The following DPP8 variants were observed in gnomAD, a reference collection of about 807,000 sequenced individuals.
DPP8 encodes the protein dipeptidyl peptidase 8.
DPP8 carries 31 observed loss-of-function variants against 107.5 expected under a neutral mutation model. The observed-to-expected ratio is 0.29, with a 90% confidence interval of 0.22 to 0.39. The LOEUF is 0.39. Among genes scored for constraint, DPP8 ranks in the 10% least tolerant of loss-of-function variants. The pLI is 1.00. For missense variants in DPP8, 842 were observed against 1,076.1 expected (o/e 0.78, Z 3.04); for synonymous variants, 381 against 356.6 (o/e 1.07, Z -0.77).
intron 10 of DPP8, among the ~76,000 whole-genome samples, chr15:65,479,801 A>G (rs575720269): frequency 5.7e-5 from 8 of 141,160 alleles, no homozygotes; most frequent in Admixed American, 3.1e-4. Context: ...CCGAGATTGC[A>G]CCACTGCAGT....
chr15:65,447,157 C>T, intron 19 of DPP8, 151 bp from the exon 20 acceptor site: 1 of 506,984 alleles, frequency 2.0e-6, no homozygotes, highest in Non-Finnish European at 3.4e-6. Context: ...CTAAACGCTC[C>T]TCTCTTCATC....
chr15:65,505,663 A>T (rs2069869434), intron 3 of DPP8, among the ~76,000 whole-genome samples: 1 of 152,046 alleles, frequency 6.6e-6, no homozygotes, highest in East Asian at 1.9e-4. Context: ...GAAAATGATT[A>T]GTTGTGGCCA....
intron 10 of DPP8, 91 bp from the exon 11 acceptor site, chr15:65,479,130 C>T (rs2066669777): frequency 7.0e-6 from 6 of 852,788 alleles, no homozygotes; most frequent in South Asian, 5.2e-5. Flanking sequence ...GATAAATATA[C>T]TTTGAAATAT....
chr15:65,500,859 C>T (rs1018942582), intron 3 of DPP8, 80 bp from the exon 4 acceptor site: 11 of 879,336 alleles, frequency 1.3e-5, no homozygotes, highest in African/African-American at 1.7e-5. Context: ...CTAGAATCTC[C>T]AACATTATTG....
chr15:65,456,400 C>A, intron 15 of DPP8, 29 bp from the exon 16 acceptor site: 1 of 1,585,194 alleles, frequency 6.3e-7, no homozygotes, highest in South Asian at 1.2e-5. Context: ...TTCAGTTTAT[C>A]ATATGGAAGC....
In DPP8 at chr15:65,479,033, C is replaced by T. The variant is rs980603938; in HGVS notation, c.1303G>A (p.Asp435Asn). ...CTTTGGGGAAAAACATGAAAGATGT[C>T]ATGGATCTGTAAAATGAATAGCTAA... ...ETTDIWINIH[D>N]IFHVFPQSHE... The change falls in exon 11 of 20, where the codon GAC (aspartate) becomes AAC (asparagine). Residue 435 changes from aspartate to asparagine, a missense_variant. Transcript: ENST00000300141. The T allele has an allele frequency of 1.3e-6, 2 of 1,571,058 alleles. No homozygotes were observed. The highest frequency in any genetic ancestry group is 1.7e-6 in the Non-Finnish European group (2 of 1,162,304).
At chr15:65,494,149 CTT>C (rs542314824) in intron 5 of DPP8, among the ~76,000 whole-genome samples, 4 of 123,288 alleles carry the variant, frequency 3.2e-5, no homozygotes, top group African/African-American at 6.8e-5. Flanking sequence ...GTTCTATATC[CTT>C]TTTTTTTTTT....
chr15:65,448,868 A>ATATATATATGTGTGTGTGTG, intron 19 of DPP8, among the ~76,000 whole-genome samples: 1 of 5,624 alleles, frequency 1.8e-4, no homozygotes, highest in African/African-American at 6.1e-4. Flanking sequence ...TATCTAAAAT[A>ATATATATATGTGTGTGTGTG]TATATATATA....
At chr15:65,515,894 A>G (rs988251136) in intron 1 of DPP8, 2 of 542,774 alleles carry the variant, frequency 3.7e-6, no homozygotes, top group East Asian at 5.9e-5. Flanking sequence ...ACTGATACCA[A>G]AATATCACTT....
intron 15 of DPP8, chr15:65,459,611 G>A (rs954077690): frequency 5.9e-5 from 9 of 152,016 alleles, no homozygotes; most frequent in African/African-American, 2.2e-4. Context: ...ATGACTGTTC[G>A]GTAAGTGCAA....
chr15:65,466,600 T>G, intron 14 of DPP8, 78 bp downstream of exon 14: 2 of 1,315,254 alleles, frequency 1.5e-6, no homozygotes, highest in East Asian at 4.6e-5. Context: ...GTCCAGGAAA[T>G]GTGAAAATAT....
intron 1 of DPP8, among the ~76,000 whole-genome samples, chr15:65,514,414 A>G (rs1162238916): frequency 6.6e-6 from 1 of 152,176 alleles, no homozygotes; most frequent in Non-Finnish European, 1.5e-5. Context: ...TGGTGGTTAT[A>G]TACTATCATA....
chr15:65,469,377 G>A (rs1442622089), intron 12 of DPP8, among the ~76,000 whole-genome samples: 1 of 151,772 alleles, frequency 6.6e-6, no homozygotes, highest in Non-Finnish European at 1.5e-5. Context: ...ATAGGCAGCT[G>A]GGCGCAGTGG....
At chr15:65,503,267 C>T (rs1049193244) in intron 3 of DPP8, among the ~76,000 whole-genome samples, 2 of 151,738 alleles carry the variant, frequency 1.3e-5, no homozygotes, top group Non-Finnish European at 2.9e-5. Flanking sequence ...CAACCATGCT[C>T]GGCTAATTTT....
At chr15:65,475,672 G>A in intron 11 of DPP8, 1 of 646,742 alleles carries the variant, frequency 1.5e-6, no homozygotes, top group Admixed American at 2.5e-5. Context: ...AAAAGAAAAT[G>A]TTTAATACAA....
At chr15:65,454,530 TTTTA>T (rs2064239455) in intron 16 of DPP8, 115 bp from the exon 17 acceptor site, 3 of 938,786 alleles carry the variant, frequency 3.2e-6, no homozygotes, top group Non-Finnish European at 4.5e-6. Context: ...TTAATTTTTA[TTTTA>T]TTTATTTTTT....
At chr15:65,450,906 T>C (rs544039724) in intron 19 of DPP8, 93 bp downstream of exon 19, 4 of 793,498 alleles carry the variant, frequency 5.0e-6, no homozygotes, top group Middle Eastern at 3.5e-4. Flanking sequence ...GTGGACACTC[T>C]AAAAATCTGG....
At chr15:65,452,630 C>G (rs932491741) in intron 17 of DPP8, among the ~76,000 whole-genome samples, 1 of 151,958 alleles carries the variant, frequency 6.6e-6, no homozygotes, top group East Asian at 1.9e-4. Flanking sequence ...TAAAGATTAT[C>G]TAGATATATG....
intron 3 of DPP8, among the ~76,000 whole-genome samples, chr15:65,501,729 T>C (rs936782611): frequency 1.3e-5 from 2 of 152,196 alleles, no homozygotes; most frequent in Admixed American, 1.3e-4. Context: ...TAAAACTCAA[T>C]GAGTGGTTTT....
Sources: gnomAD v4.1 joint callset for allele counts (sites outside exome capture counted in the v4.1 genomes callset) on GRCh38, gnomAD v4.1.1 for gene constraint, MANE v1.5 for transcripts, NCBI Gene and HGNC (gene_info 2026-07-23, HGNC 2026-07-21) for gene names.